Variants in DDAH1 observed in about 807,000 individuals in gnomAD.
DDAH1 encodes N(G),N(G)-dimethylarginine dimethylaminohydrolase 1.
Under a neutral mutation model 28.8 loss-of-function variants are expected in DDAH1, and 19 were observed. That is an observed-to-expected ratio of 0.66 (90% confidence interval 0.46 to 0.97). DDAH1 has a LOEUF of 0.97. Among genes scored for constraint, DDAH1 ranks in the 50% least tolerant of loss-of-function variants. The pLI, the probability that DDAH1 is intolerant of heterozygous loss-of-function variation, is 0.00. For missense variants in DDAH1, 326 were observed against 375.9 expected, an observed-to-expected ratio of 0.87 and a Z score of 1.10; for synonymous variants, 153 against 154.4, an observed-to-expected ratio of 0.99 and a Z score of 0.07.
At chr1:85,437,887 A>G (rs868490674) in intron 1 of DDAH1, among the ~76,000 whole-genome samples, 1 of 152,214 alleles carries the variant, frequency 6.6e-6, no homozygotes, top group Non-Finnish European at 1.5e-5. Context: ...ACAGACGGCA[A>G]TTTGGAACTT....
intron 1 of DDAH1, among the ~76,000 whole-genome samples, chr1:85,447,079 G>A (rs759332147): frequency 2.0e-5 from 3 of 152,162 alleles, no homozygotes; most frequent in Non-Finnish European, 4.4e-5. Flanking sequence ...ACAGGTCAGT[G>A]TTTGGATTCA....
intron 4 of DDAH1, among the ~76,000 whole-genome samples, chr1:85,338,935 T>C (rs1648297090): frequency 6.6e-6 from 1 of 150,860 alleles, no homozygotes; most frequent in East Asian, 1.9e-4. Flanking sequence ...TAATCCCAGC[T>C]ACTCAGGAGG....
At position 85,369,701 on chromosome 1, in the gene DDAH1, A is replaced by G. The variant is rs938199531; in HGVS notation, c.304-10854T>C. 5.9e-5 allele frequency among the ~76,000 whole-genome samples: 9 copies of G among 152,244 alleles called. No homozygotes were observed. In the East Asian group the frequency reaches 9.6e-4, roughly 16 times the overall value. Reference sequence around the variant, plus strand: ...CAGCGAAGAGAGAAGAGCCCTGTGTATATTCTGGTGAGGATATGGAGAGAT... The same window carrying G: ...CAGCGAAGAGAGAAGAGCCCTGTGTGTATTCTGGTGAGGATATGGAGAGAT... On this transcript the variant is annotated intron_variant, in intron 1 of 5. Transcript: ENST00000284031.
upstream of DDAH1, among the ~76,000 whole-genome samples, chr1:85,469,147 G>A (rs1027574936): frequency 2.0e-5 from 3 of 152,180 alleles, no homozygotes; most frequent in African/African-American, 4.8e-5. Flanking sequence ...CAATAACCAC[G>A]AGCAAGGGCT....
intron 1 of DDAH1, among the ~76,000 whole-genome samples, chr1:85,434,490 C>T (rs1653841611): frequency 6.6e-6 from 1 of 151,852 alleles, no homozygotes; most frequent in Admixed American, 6.6e-5. Flanking sequence ...GATCTTGGCT[C>T]ACTGCAACCT....
At chr1:85,486,156 A>G (rs895223622) in intron 2 of DDAH1, among the ~76,000 whole-genome samples, 5 of 152,182 alleles carry the variant, frequency 3.3e-5, no homozygotes, top group African/African-American at 1.2e-4. Context: ...ATTTTCATAG[A>G]TATGGAACTT....
chr1:85,450,632 T>C lies in DDAH1; in HGVS notation c.303+14111A>G, dbSNP rs1654631684. 1.3e-5 allele frequency among the ~76,000 whole-genome samples: 2 copies of C among 152,184 alleles called. 1 individual carries two copies. Among genetic ancestry groups the C allele is most frequent in the South Asian group, 4.1e-4 (2 of 4,828 alleles). ...ACTGTTGTATAAAGCATCACAGCAT[T>C]CAAAAAACTTTGATCTTCATGCATC... On this transcript the variant is annotated intron_variant, in intron 1 of 5. Coordinates refer to ENST00000284031, the MANE Select transcript of DDAH1 (RefSeq NM_012137.4).
At chr1:85,516,216 A>G (rs1371733417) in intron 1 of DDAH1, among the ~76,000 whole-genome samples, 67 of 152,204 alleles carry the variant, frequency 4.4e-4, no homozygotes, top group African/African-American at 1.5e-3. Context: ...AGTTCAGCCC[A>G]TAACACATGG....
chr1:85,361,446 T>G (rs1365174064), intron 1 of DDAH1, among the ~76,000 whole-genome samples: 1 of 152,178 alleles, frequency 6.6e-6, no homozygotes, highest in Non-Finnish European at 1.5e-5. Flanking sequence ...AGTGTGGAAC[T>G]TAGCATTACT....
chr1:85,553,241 C>G (rs1474426262), intron 1 of DDAH1, among the ~76,000 whole-genome samples: 1 of 152,166 alleles, frequency 6.6e-6, no homozygotes, highest in Non-Finnish European at 1.5e-5. Context: ...CCAGGAGGAA[C>G]AGTAGAATCA....
chr1:85,509,558 T>TC (rs1657150288), intron 1 of DDAH1, among the ~76,000 whole-genome samples: 1 of 152,090 alleles, frequency 6.6e-6, no homozygotes, highest in Non-Finnish European at 1.5e-5. Context: ...AGGAGGATGT[T>TC]CAAACCCATC....
chr1:85,417,395 A>C (rs1652933303), intron 1 of DDAH1, among the ~76,000 whole-genome samples: 1 of 152,142 alleles, frequency 6.6e-6, no homozygotes, highest in Non-Finnish European at 1.5e-5. Context: ...CTTGTGTTCT[A>C]GGCCTCATCC....
upstream of DDAH1, chr1:85,467,424 T>C (rs923528200): frequency 1.3e-5 from 2 of 152,254 alleles, no homozygotes; most frequent in African/African-American, 4.8e-5. Context: ...TGTCTTTCCA[T>C]ACTGAAATTG....
intron 1 of DDAH1, among the ~76,000 whole-genome samples, chr1:85,520,579 A>C (rs1255773183): frequency 6.6e-6 from 1 of 152,248 alleles, no homozygotes; most frequent in Non-Finnish European, 1.5e-5. Flanking sequence ...ATGTCAAAAA[A>C]CAAAGCAGCA....
intron 2 of DDAH1, among the ~76,000 whole-genome samples, chr1:85,471,270 G>A (rs1262797436): frequency 3.9e-5 from 6 of 152,160 alleles, no homozygotes; most frequent in Non-Finnish European, 1.5e-5. Flanking sequence ...TAATGCTGTT[G>A]CCTTCCATTA....
intron 2 of DDAH1, among the ~76,000 whole-genome samples, chr1:85,358,090 G>T (rs1202533051): frequency 6.6e-6 from 1 of 152,134 alleles, no homozygotes; most frequent in Non-Finnish European, 1.5e-5. Context: ...ATACAAACCA[G>T]ATATACAGTA....
In DDAH1 at chr1:85,515,025, A is replaced by ACG. The variant is rs1357518733; in HGVS notation, c.-122-18745_-122-18744insCG. On this transcript the variant is annotated intron_variant, in intron 1 of 6. Transcript: ENST00000426972. ...GTGTACAGAGCTAGAATACACACACACACACACATATATGTTTTTAATTCA... is the reference window on the plus strand; with the variant it reads ...GTGTACAGAGCTAGAATACACACACACGCACACACATATATGTTTTTAATTCA... Among the ~76,000 whole-genome samples the ACG allele has an allele frequency of 2.5e-4, 11 of 43,704 alleles. No homozygotes were observed. In the Admixed American group the frequency reaches 3.7e-3, roughly 15 times the overall value. 28.7% of individuals were successfully genotyped at this position (43,704 alleles called of 152,430 possible).
chr1:85,538,079 T>A (rs1169515459), intron 1 of DDAH1, among the ~76,000 whole-genome samples: 2 of 152,224 alleles, frequency 1.3e-5, no homozygotes. Flanking sequence ...TTTCCCACAC[T>A]AGAACTAAAT....
At chr1:85,546,157 A>T (rs1658620218) in intron 1 of DDAH1, among the ~76,000 whole-genome samples, 1 of 151,928 alleles carries the variant, frequency 6.6e-6, no homozygotes, top group Admixed American at 6.6e-5. Flanking sequence ...TGCGTTGGAA[A>T]CTTAATTGCC....
Sources: allele counts gnomAD v4.1 joint callset (sites outside exome capture counted in the v4.1 genomes callset), GRCh38; gene constraint gnomAD v4.1.1; transcripts MANE v1.5; gene names NCBI Gene and HGNC (gene_info 2026-07-23, HGNC 2026-07-21).